Variants in CAMKMT observed in about 807,000 individuals in gnomAD.
The protein encoded by CAMKMT is calmodulin-lysine N-methyltransferase.
CAMKMT carries 53 observed loss-of-function variants against 48.0 expected under a neutral mutation model. The ratio of observed to expected loss-of-function variants is 1.10; its 90% CI spans 0.89 to 1.39. The LOEUF is 1.39. Among genes scored for constraint, CAMKMT ranks in the 40% most tolerant of loss-of-function variants. The probability of loss-of-function intolerance (pLI) is 0.00; values close to 1 mark genes in which losing one functional copy is unlikely to be tolerated. For synonymous variants in CAMKMT, 165 were observed against 152.3 expected (o/e 1.08, Z -0.61); for missense variants, 428 against 402.7 (o/e 1.06, Z -0.54).
At chr2:44,621,098 C>T (rs1672159624) in intron 3 of CAMKMT, among the ~76,000 whole-genome samples, 1 of 151,946 alleles carries the variant, frequency 6.6e-6, no homozygotes, top group Non-Finnish European at 1.5e-5. Flanking sequence ...GAAACCCCGT[C>T]TCTACTAAAA....
At chr2:44,702,085 A>C (rs1245878191) in intron 3 of CAMKMT, among the ~76,000 whole-genome samples, 1 of 152,140 alleles carries the variant, frequency 6.6e-6, no homozygotes, top group Non-Finnish European at 1.5e-5. Context: ...GCATTTTTGT[A>C]CTTAATCAAG....
At position 44,646,759 on chromosome 2, in the gene CAMKMT, C is replaced by T. The variant is rs141705226; in HGVS notation, c.377-57524C>T. Among the ~76,000 whole-genome samples the T allele has an allele frequency of 5.4e-3, 816 of 152,202 alleles. 9 individuals carry two copies. Among genetic ancestry groups the T allele is most frequent in the African/African-American group, 0.019 (776 of 41,528 alleles). ...TTCAAAGAAAACCACCACCAGGCCCCCAAGTTTCCTTAGTGAGAAGCCAAA... is the reference window on the plus strand; with the variant it reads ...TTCAAAGAAAACCACCACCAGGCCCTCAAGTTTCCTTAGTGAGAAGCCAAA... On this transcript the variant is annotated intron_variant, in intron 3 of 10. Transcript: ENST00000378494.
At chr2:44,445,686 T>G (rs1666953363) in intron 3 of CAMKMT, among the ~76,000 whole-genome samples, 1 of 113,356 alleles carries the variant, frequency 8.8e-6, no homozygotes, top group Non-Finnish European at 1.8e-5. Flanking sequence ...TTTTTTTTTT[T>G]TTTTTTTACC....
chr2:44,413,802 A>T (rs971695022), intron 3 of CAMKMT, among the ~76,000 whole-genome samples: 2 of 152,256 alleles, frequency 1.3e-5, no homozygotes, highest in Non-Finnish European at 2.9e-5. Flanking sequence ...ATGATGCTTT[A>T]AAAGGAGTTA....
intron 3 of CAMKMT, among the ~76,000 whole-genome samples, chr2:44,540,510 G>A (rs1667037313): frequency 6.6e-6 from 1 of 152,148 alleles, no homozygotes; most frequent in African/African-American, 2.4e-5. Context: ...CAGCACTTTG[G>A]GAGGCCGAGG....
intron 3 of CAMKMT, among the ~76,000 whole-genome samples, chr2:44,431,099 A>T (rs1298066773): frequency 6.6e-6 from 1 of 152,202 alleles, no homozygotes. Context: ...AATAATATTG[A>T]TTTAAATTAG....
intron 6 of CAMKMT, among the ~76,000 whole-genome samples, chr2:44,711,637 C>G (rs1424981254): frequency 6.6e-6 from 1 of 152,092 alleles, no homozygotes; most frequent in African/African-American, 2.4e-5. Context: ...TTCTAAGCAG[C>G]AGGAAAAGAA....
intron 3 of CAMKMT, among the ~76,000 whole-genome samples, chr2:44,575,240 G>A (rs972158686): frequency 5.3e-5 from 8 of 151,600 alleles, no homozygotes; most frequent in Admixed American, 6.6e-5. Context: ...CACCACTCTC[G>A]GCTAATTTTT....
intron 3 of CAMKMT, among the ~76,000 whole-genome samples, chr2:44,454,371 T>G (rs530517009): frequency 8.0e-4 from 122 of 152,238 alleles, no homozygotes; most frequent in African/African-American, 2.7e-3. Flanking sequence ...GTAAGTAAAC[T>G]GAGTACTTTA....
At chr2:44,591,922 A>G (rs979902221) in intron 3 of CAMKMT, among the ~76,000 whole-genome samples, 1 of 152,172 alleles carries the variant, frequency 6.6e-6, no homozygotes, top group Non-Finnish European at 1.5e-5. Context: ...AGGAACATGG[A>G]TGAAATTGGA....
At chr2:44,675,924 AT>A (rs1203847116) in intron 3 of CAMKMT, among the ~76,000 whole-genome samples, 1 of 152,154 alleles carries the variant, frequency 6.6e-6, no homozygotes, top group East Asian at 1.9e-4. Context: ...ATTGTACAGT[AT>A]TTTTCTTTTT....
chr2:44,526,441 C>T (rs1671407504), intron 3 of CAMKMT, among the ~76,000 whole-genome samples: 2 of 152,112 alleles, frequency 1.3e-5, no homozygotes, highest in Admixed American at 1.3e-4. Flanking sequence ...GCAGAGAAGG[C>T]ACAATCGATT....
chr2:44,522,842 T>C (rs571153570), intron 3 of CAMKMT, among the ~76,000 whole-genome samples: 1 of 152,312 alleles, frequency 6.6e-6, no homozygotes, highest in South Asian at 2.1e-4. Context: ...GACATTTTAT[T>C]ATGGGGAGCA....
chr2:44,621,320 T>C (rs915570706), intron 3 of CAMKMT, among the ~76,000 whole-genome samples: 1 of 151,238 alleles, frequency 6.6e-6, no homozygotes, highest in Non-Finnish European at 1.5e-5. Flanking sequence ...ACAGTTGTTG[T>C]TACAGTTATA....
rs971880577 is a variant in CAMKMT, at chr2:44,575,115, G to C, written c.377-129168G>C. The stretch of plus-strand genomic sequence containing the variant: ...ATTTTTTGAGACAGAGTCTCACTCT[G>C]TCACCCAGGCTGGGGTGCAGTGGCG... On this transcript the variant is annotated intron_variant, in intron 3 of 10. Transcript: ENST00000378494. 2.0e-5 allele frequency among the ~76,000 whole-genome samples: 3 copies of C among 151,658 alleles called. No individual in the cohort carries two copies. In the South Asian group the frequency reaches 6.3e-4, roughly 32 times the overall value.
At chr2:44,384,954 G>A (rs1441554287) in intron 2 of CAMKMT, among the ~76,000 whole-genome samples, 1 of 152,074 alleles carries the variant, frequency 6.6e-6, no homozygotes, top group Admixed American at 6.5e-5. Flanking sequence ...TCTTGCTTTG[G>A]CTATGCAGGT....
At chr2:44,672,739 G>A (rs1179764618) in intron 3 of CAMKMT, among the ~76,000 whole-genome samples, 4 of 151,958 alleles carry the variant, frequency 2.6e-5, no homozygotes. Flanking sequence ...TACATTTCTA[G>A]TTTTGTCTTA....
chr2:44,479,630 T>A (rs1407991148), intron 3 of CAMKMT, among the ~76,000 whole-genome samples: 1 of 152,158 alleles, frequency 6.6e-6, no homozygotes, highest in Non-Finnish European at 1.5e-5. Context: ...ATCCTATAGG[T>A]GGCAGCAGTT....
chr2:44,466,599 C>G (rs1248459057), intron 3 of CAMKMT, among the ~76,000 whole-genome samples: 5 of 152,032 alleles, frequency 3.3e-5, no homozygotes, highest in Admixed American at 6.5e-5. Context: ...TAACTTTACA[C>G]TCAAGGAACC....
Sources: allele counts gnomAD v4.1 joint callset (sites outside exome capture counted in the v4.1 genomes callset), GRCh38; gene constraint gnomAD v4.1.1; transcripts MANE v1.5; gene names NCBI Gene and HGNC (gene_info 2026-07-23, HGNC 2026-07-21).